EXOC2: variants seen among roughly 807,000 people sequenced by gnomAD.
The protein encoded by EXOC2 is SEC5-like 1.
In EXOC2, 70 loss-of-function variants were observed where a neutral mutation model predicts 131.8. The ratio of observed to expected loss-of-function variants is 0.53; its 90% CI spans 0.44 to 0.65. The LOEUF is 0.65. EXOC2 is among the 30% of genes least tolerant of loss of function. The probability of loss-of-function intolerance (pLI) is 0.00; values close to 1 mark genes in which losing one functional copy is unlikely to be tolerated. For synonymous variants in EXOC2, 411 were observed against 398.4 expected (o/e 1.03, Z -0.38); for missense variants, 923 against 1,108.6 (o/e 0.83, Z 2.38).
Position 564,038 on chromosome 6 carries a change from G to T in EXOC2, c.1784C>A (p.Ala595Glu). ...RCVMATLQHT[A>E]EEIKRLAEKE... ...ACCGATTTATCAAAACACACCTTCC[G>T]CCGTGTGCTGCAACGTGGCCATTAC... Residue 595 changes from alanine to glutamate, a missense_variant, in exon 16 of 28, where the codon GCG becomes GAG. Physicochemically the swap from Ala to Glu is moderately radical, Grantham distance 107. Coordinates refer to ENST00000230449, the MANE Select transcript of EXOC2 (RefSeq NM_018303.6). 1 of 1,613,744 alleles carries T rather than the reference G, an allele frequency of 6.2e-7. No homozygotes were observed. Among genetic ancestry groups the T allele is most frequent in the Admixed American group, 1.7e-5 (1 of 59,910 alleles).
intron 22 of EXOC2, among the ~76,000 whole-genome samples, chr6:533,116 C>T (rs1028372101): frequency 2.0e-5 from 3 of 152,234 alleles, no homozygotes; most frequent in Non-Finnish European, 4.4e-5. Context: ...ACGGCCACTA[C>T]GATTCAATGA....
At chr6:567,479 A>T (rs1010758381) in intron 13 of EXOC2, among the ~76,000 whole-genome samples, 3 of 152,190 alleles carry the variant, frequency 2.0e-5, no homozygotes, top group African/African-American at 4.8e-5. Flanking sequence ...ATAATAATTT[A>T]AAAAAATTAT....
intron 1 of EXOC2, among the ~76,000 whole-genome samples, chr6:648,491 C>T (rs779082443): frequency 3.3e-5 from 5 of 152,178 alleles, no homozygotes; most frequent in Non-Finnish European, 7.4e-5. Flanking sequence ...ATTCCAATTG[C>T]CATAAAACAA....
intron 4 of EXOC2, among the ~76,000 whole-genome samples, chr6:626,088 A>C (rs1266566504): frequency 6.6e-6 from 1 of 152,204 alleles, no homozygotes; most frequent in Non-Finnish European, 1.5e-5. Flanking sequence ...TCATGCAAAG[A>C]CCACATATAT....
intron 1 of EXOC2, among the ~76,000 whole-genome samples, chr6:690,860 C>T (rs1042311367): frequency 6.6e-6 from 1 of 152,152 alleles, no homozygotes; most frequent in Non-Finnish European, 1.5e-5. Flanking sequence ...CCAGAAGGTC[C>T]AAGAACATAT....
chr6:587,316 C>T (rs1049555065), intron 11 of EXOC2, among the ~76,000 whole-genome samples: 10 of 151,144 alleles, frequency 6.6e-5, no homozygotes, highest in Non-Finnish European at 1.3e-4. Flanking sequence ...ACAATCTGGG[C>T]TCAGTGCAAG....
intron 13 of EXOC2, among the ~76,000 whole-genome samples, chr6:568,979 T>C (rs1758126306): frequency 6.6e-6 from 1 of 152,180 alleles, no homozygotes. Context: ...AGGGAACTAG[T>C]TGTGGGGCAG....
At chr6:572,453 C>A in intron 13 of EXOC2, 67 bp downstream of exon 13, 1 of 1,531,010 alleles carries the variant, frequency 6.5e-7, no homozygotes, top group Non-Finnish European at 8.8e-7. Context: ...TCACTTAAAT[C>A]TAACATTTTA....
intron 1 of EXOC2, among the ~76,000 whole-genome samples, chr6:661,049 A>G (rs182090588): frequency 6.6e-6 from 1 of 152,352 alleles, no homozygotes; most frequent in African/African-American, 2.4e-5. Flanking sequence ...AGTAGAAGGA[A>G]GAAATTCAGA....
intron 23 of EXOC2, among the ~76,000 whole-genome samples, chr6:518,227 G>T (rs908940895): frequency 1.3e-5 from 2 of 152,184 alleles, no homozygotes; most frequent in Non-Finnish European, 2.9e-5. Context: ...GAATATCTGG[G>T]ATTTACTTCA....
chr6:645,039 C>A (rs1026628006), intron 1 of EXOC2, among the ~76,000 whole-genome samples: 7 of 152,120 alleles, frequency 4.6e-5, no homozygotes, highest in Admixed American at 3.9e-4. Flanking sequence ...AAAGTTGTAA[C>A]ACAGTTCATG....
intron 17 of EXOC2, among the ~76,000 whole-genome samples, chr6:562,256 G>A (rs1006744947): frequency 7.2e-5 from 11 of 152,212 alleles, no homozygotes; most frequent in African/African-American, 1.7e-4. Context: ...CCACAGGACC[G>A]CGAGGGGCAC....
chr6:514,559 T>A (rs1429270588), intron 23 of EXOC2, among the ~76,000 whole-genome samples: 5 of 152,234 alleles, frequency 3.3e-5, no homozygotes, highest in Non-Finnish European at 7.3e-5. Flanking sequence ...CTGCTCCCAC[T>A]TTCCCATGCT....
chr6:662,369 A>G (rs1763460520), intron 1 of EXOC2, among the ~76,000 whole-genome samples: 1 of 152,234 alleles, frequency 6.6e-6, no homozygotes, highest in Non-Finnish European at 1.5e-5. Flanking sequence ...TCAACAGCAC[A>G]TGGAACTTTC....
chr6:490,553 A>G (rs904512084), intron 26 of EXOC2, among the ~76,000 whole-genome samples: 3 of 152,232 alleles, frequency 2.0e-5, no homozygotes, highest in Non-Finnish European at 4.4e-5. Flanking sequence ...GTGAGTAAGC[A>G]TATTACAGTG....
intron 1 of EXOC2, among the ~76,000 whole-genome samples, chr6:658,662 TATA>T (rs1351498211): frequency 7.4e-4 from 51 of 68,666 alleles, no homozygotes; most frequent in African/African-American, 1.9e-3. Context: ...TATATATATA[TATA>T]TTTTTTTTTT....
At chr6:536,739 G>GA (rs1273128232) in intron 22 of EXOC2, among the ~76,000 whole-genome samples, 4 of 152,044 alleles carry the variant, frequency 2.6e-5, no homozygotes, top group Non-Finnish European at 5.9e-5. Context: ...AAACTTCTGG[G>GA]AAAAAATATT....
At chr6:582,761 A>G (rs1007593779) in intron 11 of EXOC2, among the ~76,000 whole-genome samples, 1 of 151,944 alleles carries the variant, frequency 6.6e-6, no homozygotes, top group East Asian at 1.9e-4. Context: ...ATATGTATAT[A>G]TATATAACAT....
At chr6:650,736 G>C (rs1470884751) in intron 1 of EXOC2, among the ~76,000 whole-genome samples, 1 of 152,024 alleles carries the variant, frequency 6.6e-6, no homozygotes, top group Non-Finnish European at 1.5e-5. Context: ...AGACTAAACT[G>C]TAAAATTATT....
Sources: allele counts gnomAD v4.1 joint callset (sites outside exome capture counted in the v4.1 genomes callset), GRCh38; gene constraint gnomAD v4.1.1; transcripts MANE v1.5; gene names NCBI Gene and HGNC (gene_info 2026-07-23, HGNC 2026-07-21).